Variants in ZNF618 observed in about 807,000 individuals in gnomAD.
ZNF618 encodes zinc finger protein 618, also known as neural precursor cell expressed, developmentally down-regulated 10.
Under a neutral mutation model 103.0 loss-of-function variants are expected in ZNF618, and 34 were observed. That is an observed-to-expected ratio of 0.33 (90% CI 0.25 to 0.44). The LOEUF (loss-of-function observed/expected upper bound fraction) is 0.44, where lower values mean the gene tolerates loss of function less well. Ranked by LOEUF, ZNF618 falls within the 20% of genes least tolerant of loss-of-function variation. ZNF618 has a pLI of 1.00. For synonymous variants in ZNF618, 551 were observed against 542.2 expected, an observed-to-expected ratio of 1.02 and a Z score of -0.23; for missense variants, 1,059 against 1,295.4, an observed-to-expected ratio of 0.82 and a Z score of 2.80.
At chr9:114,000,471 T>C (rs887725310) in intron 4 of ZNF618, among the ~76,000 whole-genome samples, 1 of 146,234 alleles carries the variant, frequency 6.8e-6, no homozygotes, top group Admixed American at 6.9e-5. Flanking sequence ...CTTAAAACAT[T>C]GTAAGTCTTT....
At chr9:113,996,723 A>G (rs1158857346) in intron 3 of ZNF618, among the ~76,000 whole-genome samples, 1 of 152,196 alleles carries the variant, frequency 6.6e-6, no homozygotes, top group Non-Finnish European at 1.5e-5. Flanking sequence ...CCTGCCAGCC[A>G]TCCCTGGGAG....
chr9:113,907,003 T>C (rs1346606972), intron 1 of ZNF618, among the ~76,000 whole-genome samples: 2 of 152,218 alleles, frequency 1.3e-5, no homozygotes, highest in Non-Finnish European at 1.5e-5. Flanking sequence ...GCACCATGCT[T>C]ATTTTTCACC....
At chr9:113,886,148 G>A (rs1829051347) in intron 1 of ZNF618, among the ~76,000 whole-genome samples, 1 of 152,204 alleles carries the variant, frequency 6.6e-6, no homozygotes, top group Non-Finnish European at 1.5e-5. Context: ...CTCTTGGCAA[G>A]TCCCTGGCTC....
At chr9:114,045,782 G>A (rs938565380) in intron 13 of ZNF618, among the ~76,000 whole-genome samples, 5 of 151,788 alleles carry the variant, frequency 3.3e-5, no homozygotes, top group Middle Eastern at 3.2e-3. Flanking sequence ...GATAAGGATT[G>A]TGTTTAATCT....
At chr9:114,046,450 G>T (rs1483512252) in intron 13 of ZNF618, among the ~76,000 whole-genome samples, 1 of 152,150 alleles carries the variant, frequency 6.6e-6, no homozygotes. Flanking sequence ...GTATAGCCTA[G>T]GTGTATAATA....
At chr9:114,038,626 T>C (rs1166722967) in intron 13 of ZNF618, among the ~76,000 whole-genome samples, 1 of 152,236 alleles carries the variant, frequency 6.6e-6, no homozygotes, top group East Asian at 1.9e-4. Flanking sequence ...ACTTCCTTTC[T>C]GTGCTGTAGG....
chr9:114,007,513 CCCCG>C (rs1841857875), intron 7 of ZNF618, 74 bp downstream of exon 7: 4 of 1,407,012 alleles, frequency 2.8e-6, no homozygotes, highest in Non-Finnish European at 3.9e-6. Context: ...CCCCAGCCCT[CCCCG>C]CCTCCCTCCT....
At position 114,048,308 on chromosome 9, in the gene ZNF618, C is replaced by A. The variant is rs1261742168; in HGVS notation, c.1348+314C>A. Among the ~76,000 whole-genome samples the A allele has an allele frequency of 2.0e-5, 3 of 152,174 alleles. No homozygotes were observed. In the East Asian group the frequency reaches 5.8e-4, roughly 29 times the overall value. On this transcript the variant is annotated intron_variant, in intron 14 of 14. Coordinates refer to ENST00000374126, the MANE Select transcript of ZNF618 (RefSeq NM_001318042.2). ...TTCCTGACATGATGATCCCATGTAT[C>A]TTATTTCCTGAAGATTCCCATATTA... is the stretch of plus-strand genomic sequence containing the variant.
intron 12 of ZNF618, among the ~76,000 whole-genome samples, chr9:114,034,776 G>A (rs1281959426): frequency 2.0e-5 from 3 of 152,204 alleles, no homozygotes; most frequent in South Asian, 4.1e-4. Flanking sequence ...AAGCACAGCC[G>A]CTCTTGGTGG....
intron 1 of ZNF618, among the ~76,000 whole-genome samples, chr9:113,908,521 C>A (rs1267710471): frequency 6.6e-6 from 1 of 152,022 alleles, no homozygotes; most frequent in Non-Finnish European, 1.5e-5. Context: ...CCTGAAAGTT[C>A]ATCTTTTAAG....
At chr9:113,994,282 G>A (rs1367966911) in intron 3 of ZNF618, among the ~76,000 whole-genome samples, 1 of 152,234 alleles carries the variant, frequency 6.6e-6, no homozygotes, top group Non-Finnish European at 1.5e-5. Flanking sequence ...GGCAGCGTAG[G>A]TGCCAGGTCC....
intron 1 of ZNF618, among the ~76,000 whole-genome samples, chr9:113,966,199 A>G (rs1016848931): frequency 1.3e-5 from 2 of 152,200 alleles, no homozygotes; most frequent in African/African-American, 4.8e-5. Context: ...AGCTATCTCA[A>G]GTCCCAAGCC....
rs1831840308 is a variant in ZNF618 at position 113,914,208 on chromosome 9, T to C, written c.33+37795T>C. On this transcript the variant is annotated intron_variant, in intron 1 of 14. Transcript: ENST00000374126. Reference sequence around the variant, plus strand: ...TTCTGTGATGAGAACACCCTTTCTGTAAATGGGATAAATTGGCCCTTAGCA... The same window carrying C: ...TTCTGTGATGAGAACACCCTTTCTGCAAATGGGATAAATTGGCCCTTAGCA... Among the ~76,000 whole-genome samples, 2 of 152,148 alleles carry C rather than the reference T, an allele frequency of 1.3e-5. 1 individual carries two copies. The highest frequency in any genetic ancestry group is 4.1e-4 in the South Asian group (2 of 4,826).
chr9:114,000,987 G>A (rs184042836), intron 4 of ZNF618, among the ~76,000 whole-genome samples: 1,582 of 152,034 alleles, frequency 0.01, 16 homozygotes, highest in Non-Finnish European at 0.018. Flanking sequence ...GGAGTGGGCC[G>A]GGGCCTCTGC....
chr9:114,000,261 A>C (rs1467618991), intron 4 of ZNF618, among the ~76,000 whole-genome samples: 1 of 152,084 alleles, frequency 6.6e-6, no homozygotes, highest in Non-Finnish European at 1.5e-5. Context: ...TACAGACCTC[A>C]GTCATGAATT....
At chr9:114,022,621 A>AAT (rs1554759870) in intron 10 of ZNF618, among the ~76,000 whole-genome samples, 1 of 149,588 alleles carries the variant, frequency 6.7e-6, no homozygotes. Context: ...AAAAAAAAAA[A>AAT]GGCATCTCGT....
intron 1 of ZNF618, among the ~76,000 whole-genome samples, chr9:113,935,907 C>T (rs985165273): frequency 2.0e-5 from 3 of 152,158 alleles, no homozygotes; most frequent in African/African-American, 4.8e-5. Flanking sequence ...TGTGATAATG[C>T]GCTTATCCCA....
chr9:113,920,903 A>G (rs958303003), intron 1 of ZNF618, among the ~76,000 whole-genome samples: 2 of 152,194 alleles, frequency 1.3e-5, no homozygotes, highest in Non-Finnish European at 2.9e-5. Flanking sequence ...TAAGCCATAC[A>G]TTTGTGTCCC....
chr9:113,940,060 T>G, intron 1 of ZNF618, among the ~76,000 whole-genome samples: 1 of 152,024 alleles, frequency 6.6e-6, no homozygotes, highest in South Asian at 2.1e-4. Context: ...AAATATCCCA[T>G]GGGTTTTGCT....
Sources: allele counts gnomAD v4.1 joint callset (sites outside exome capture counted in the v4.1 genomes callset), GRCh38; gene constraint gnomAD v4.1.1; transcripts MANE v1.5; gene names NCBI Gene and HGNC (gene_info 2026-07-23, HGNC 2026-07-21).